The following CACNA1C variants were observed in gnomAD, a reference collection of about 807,000 sequenced individuals.
CACNA1C encodes the protein voltage-dependent L-type calcium channel subunit alpha-1C.
CACNA1C carries 30 observed loss-of-function variants against 229.0 expected under a neutral mutation model. The ratio of observed to expected loss-of-function variants is 0.13; its 90% CI spans 0.10 to 0.18. The LOEUF (loss-of-function observed/expected upper bound fraction) is 0.18. Among genes scored for constraint, CACNA1C ranks in the 10% least tolerant of loss-of-function variants. CACNA1C has a pLI of 1.00. For missense variants in CACNA1C, 1,658 were observed against 2,845.0 expected (o/e 0.58, Z 9.49); for synonymous variants, 1,114 against 1,132.5 (o/e 0.98, Z 0.33).
intron 3 of CACNA1C, among the ~76,000 whole-genome samples, chr12:2,242,281 C>T (rs557708194): frequency 2.0e-4 from 31 of 152,294 alleles, no homozygotes; most frequent in African/African-American, 6.5e-4. Flanking sequence ...TTCACTTTCC[C>T]GCAGAAACAT....
chr12:2,547,873 C>T (rs577399136), intron 9 of CACNA1C, among the ~76,000 whole-genome samples: 30 of 152,102 alleles, frequency 2.0e-4, no homozygotes, highest in Non-Finnish European at 2.8e-4. Context: ...AAGGTGCTGT[C>T]GTTATTTCCA....
chr12:2,340,593 A>G (rs1215468479), intron 3 of CACNA1C, among the ~76,000 whole-genome samples: 1 of 152,240 alleles, frequency 6.6e-6, no homozygotes, highest in Non-Finnish European at 1.5e-5. Context: ...TCTGATCAAC[A>G]GAGGGATCCG....
intron 3 of CACNA1C, among the ~76,000 whole-genome samples, chr12:2,128,245 G>A (rs1443047127): frequency 6.6e-6 from 1 of 152,180 alleles, no homozygotes; most frequent in Non-Finnish European, 1.5e-5. Context: ...TGTTCCCTGG[G>A]ATGTGTAGGG....
chr12:1,979,810 T>C (rs748594046), intron 1 of CACNA1C, among the ~76,000 whole-genome samples: 2 of 152,196 alleles, frequency 1.3e-5, no homozygotes, highest in African/African-American at 2.4e-5. Flanking sequence ...TTCTAAGGAG[T>C]ATGTGATATT....
intron 3 of CACNA1C, among the ~76,000 whole-genome samples, chr12:2,210,240 C>T (rs1276830788): frequency 6.6e-6 from 1 of 152,142 alleles, no homozygotes; most frequent in Non-Finnish European, 1.5e-5. Flanking sequence ...TTGGGGTATG[C>T]CTATGTTTCA....
rs751154947 is a variant in CACNA1C at position 2,504,573 on chromosome 12, G to T, written c.1114-269G>T. ...ACCGTTTCTATGTCCTCTCCACAAC[G>T]CAGCCGAGCAAGGTCTCAGGTTCCA... On this transcript the variant is annotated intron_variant, in intron 7 of 46. Transcript: ENST00000399655. The surrounding 1 kb of genome is among the most constrained non-coding windows in gnomAD (Gnocchi z 6.8). 1.6e-6 allele frequency: 2 copies of T among 1,285,840 alleles called. No homozygotes were observed. The highest frequency in any genetic ancestry group is 2.3e-6 in the Non-Finnish European group (2 of 881,840). The allele number at this position is 1,285,840 out of a possible 1,614,324, so 79.7% of individuals were successfully genotyped here.
chr12:2,257,226 G>A (rs2078292997), intron 3 of CACNA1C, among the ~76,000 whole-genome samples: 1 of 152,186 alleles, frequency 6.6e-6, no homozygotes. Flanking sequence ...CTGGCCAGAA[G>A]TCAGCCATGG....
chr12:2,049,398 C>T (rs901256083), upstream of CACNA1C: 1 of 152,216 alleles, frequency 6.6e-6, no homozygotes, highest in African/African-American at 2.4e-5. Context: ...ATTTAACCAA[C>T]ATTTTTGTTG....
In CACNA1C at chr12:2,630,475, G is replaced by A. The variant is rs2089868560; in HGVS notation, c.3829-3822G>A. Among the ~76,000 whole-genome samples, 1 of 152,164 alleles carries A rather than the reference G, an allele frequency of 6.6e-6. No homozygotes were observed. The highest frequency in any genetic ancestry group is 2.1e-4 in the South Asian group (1 of 4,826). On this transcript the variant is annotated intron_variant, in intron 29 of 46. Transcript: ENST00000399655. This position sits in a 1 kb window ranked among gnomAD's most constrained non-coding sequence, Gnocchi z 5.4. ...GACCTGGGCCTTGTTTCTGGGCAGGGTGTGGTCCAAGTGGGAGGAAGGGGC... is the reference window on the plus strand; with the variant it reads ...GACCTGGGCCTTGTTTCTGGGCAGGATGTGGTCCAAGTGGGAGGAAGGGGC...
chr12:2,111,842 C>T (rs2081888484), intron 1 of CACNA1C, among the ~76,000 whole-genome samples: 1 of 152,180 alleles, frequency 6.6e-6, no homozygotes, highest in African/African-American at 2.4e-5. Context: ...CAGATGGAAA[C>T]AGGGCGCTTT....
At chr12:2,680,209 T>C (rs1359803776) in intron 42 of CACNA1C, among the ~76,000 whole-genome samples, 1 of 150,146 alleles carries the variant, frequency 6.7e-6, no homozygotes, top group Admixed American at 6.6e-5. Context: ...TGGAGCCCCT[T>C]TGCCAGCCTC....
intron 7 of CACNA1C, among the ~76,000 whole-genome samples, chr12:2,499,134 A>G (rs942137377): frequency 6.6e-6 from 1 of 152,114 alleles, no homozygotes; most frequent in Non-Finnish European, 1.5e-5. Flanking sequence ...CTTCCTGCTC[A>G]CTTGGTGCTC....
chr12:2,617,101 T>A (rs2081039474), intron 29 of CACNA1C, among the ~76,000 whole-genome samples: 1 of 152,208 alleles, frequency 6.6e-6, no homozygotes, highest in Non-Finnish European at 1.5e-5. Flanking sequence ...CTTGTCTGCT[T>A]CTCAGAGAGT....
At chr12:2,672,616 A>G (rs1822082620) in intron 38 of CACNA1C, among the ~76,000 whole-genome samples, 1 of 152,154 alleles carries the variant, frequency 6.6e-6, no homozygotes, top group African/African-American at 2.4e-5. Flanking sequence ...CTGTGCCTCC[A>G]TCTTCAAATA....
At chr12:2,234,178 G>A (rs76086674) in intron 3 of CACNA1C, among the ~76,000 whole-genome samples, 3,831 of 152,234 alleles carry the variant, frequency 0.025, 84 homozygotes, top group Non-Finnish European at 0.041. Context: ...GAAGTGTCCC[G>A]TGTCTCCTTT....
intron 3 of CACNA1C, among the ~76,000 whole-genome samples, chr12:2,293,755 A>C (rs973055993): frequency 6.6e-6 from 1 of 152,084 alleles, no homozygotes; most frequent in Non-Finnish European, 1.5e-5. Flanking sequence ...TATGTACTTC[A>C]TTTTCCAAAC....
intron 34 of CACNA1C, among the ~76,000 whole-genome samples, chr12:2,664,058 A>G (rs1358006504): frequency 6.6e-6 from 1 of 152,310 alleles, no homozygotes; most frequent in East Asian, 1.9e-4. Flanking sequence ...GAGTATCTTA[A>G]GCACCCTACA....
At chr12:2,390,423 A>G (rs1283365488) in intron 3 of CACNA1C, among the ~76,000 whole-genome samples, 1 of 152,236 alleles carries the variant, frequency 6.6e-6, no homozygotes, top group East Asian at 1.9e-4. Context: ...AGCATTTACT[A>G]TGGATTAGGC....
chr12:2,080,952 G>C (rs2065347442), intron 1 of CACNA1C, among the ~76,000 whole-genome samples: 1 of 152,132 alleles, frequency 6.6e-6, no homozygotes, highest in Non-Finnish European at 1.5e-5. Context: ...ATGATGAAAA[G>C]GCATTACTTT....
Sources: gnomAD v4.1 joint callset for allele counts (sites outside exome capture counted in the v4.1 genomes callset) on GRCh38, gnomAD v4.1.1 for gene constraint, Gnocchi (gnomAD v3.1) non-coding constraint, MANE v1.5 for transcripts, NCBI Gene and HGNC (gene_info 2026-07-23, HGNC 2026-07-21) for gene names.